The following DCC variants were observed in gnomAD, a reference collection of about 807,000 sequenced individuals.
DCC encodes netrin receptor DCC.
In DCC, 58 loss-of-function variants were observed where a neutral mutation model predicts 172.5. That is an observed-to-expected ratio of 0.34 (90% CI 0.27 to 0.42). The LOEUF is 0.42. DCC is among the 10% of genes least tolerant of loss of function. The pLI, the probability that DCC is intolerant of heterozygous loss-of-function variation, is 1.00. For synonymous variants in DCC, 709 were observed against 644.5 expected, an observed-to-expected ratio of 1.10 and a Z score of -1.52; for missense variants, 1,740 against 1,791.0, an observed-to-expected ratio of 0.97 and a Z score of 0.51.
intron 2 of DCC, among the ~76,000 whole-genome samples, chr18:52,875,391 A>G (rs949245271): frequency 6.6e-6 from 1 of 152,150 alleles, no homozygotes; most frequent in African/African-American, 2.4e-5. Context: ...TACCAAAGAA[A>G]AGTTGGTAGC....
chr18:53,511,951 G>C (rs1224630563), intron 27 of DCC, among the ~76,000 whole-genome samples: 1 of 152,186 alleles, frequency 6.6e-6, no homozygotes, highest in Non-Finnish European at 1.5e-5. Context: ...GCTCGAACTG[G>C]GTGGAGCCCA....
intron 5 of DCC, among the ~76,000 whole-genome samples, chr18:53,016,394 A>T (rs879648080): frequency 2.0e-5 from 3 of 152,136 alleles, no homozygotes; most frequent in Non-Finnish European, 4.4e-5. Context: ...CATAAGCATC[A>T]TGCATTTAGC....
At chr18:52,814,202 C>A (rs2038248706) in intron 2 of DCC, among the ~76,000 whole-genome samples, 1 of 152,204 alleles carries the variant, frequency 6.6e-6, no homozygotes, top group South Asian at 2.1e-4. Flanking sequence ...CCTCTCCTAG[C>A]CCTGTGAGTC....
chr18:53,205,326 A>C lies in DCC; in HGVS notation c.1684A>C (p.Arg562=). ...TGCAAACGGTCCAGTCCAAGGTTAC[A>C]GATTGTTCTGCACTGAGGTGTCCAC... ...AYANGPVQGY[R]LFCTEVSTGK... is the part of the protein sequence containing the mutation. Residue 562 remains arginine (R), a synonymous_variant, in exon 10 of 29, where the codon AGA becomes CGA. Transcript: ENST00000442544. 1 of 1,613,988 alleles carries C rather than the reference A, an allele frequency of 6.2e-7. No individual in the cohort carries two copies. The highest frequency in any genetic ancestry group is 8.5e-7 in the Non-Finnish European group (1 of 1,179,916).
At chr18:53,406,733 A>G (rs1909688868) in intron 19 of DCC, among the ~76,000 whole-genome samples, 1 of 58,598 alleles carries the variant, frequency 1.7e-5, no homozygotes, top group Middle Eastern at 0.011. Flanking sequence ...AAGAAAAAAG[A>G]AAAAAAGTAC....
intron 1 of DCC, among the ~76,000 whole-genome samples, chr18:52,420,151 A>T (rs1165104742): frequency 6.6e-6 from 1 of 152,210 alleles, no homozygotes; most frequent in East Asian, 1.9e-4. Flanking sequence ...GCATTTAGAA[A>T]AAAACAAGGC....
At chr18:53,325,537 G>A (rs904324946) in intron 14 of DCC, among the ~76,000 whole-genome samples, 1 of 152,174 alleles carries the variant, frequency 6.6e-6, no homozygotes, top group African/African-American at 2.4e-5. Flanking sequence ...CTTATTAGAA[G>A]ACACAAAATT....
At chr18:52,424,400 T>C (rs541919533) in intron 1 of DCC, among the ~76,000 whole-genome samples, 36 of 152,244 alleles carry the variant, frequency 2.4e-4, no homozygotes, top group Admixed American at 1.2e-3. Flanking sequence ...CCTCACGTAC[T>C]CCTTCTCAAC....
intron 3 of DCC, among the ~76,000 whole-genome samples, chr18:52,907,157 A>G (rs2039895550): frequency 6.7e-6 from 1 of 149,490 alleles, no homozygotes; most frequent in South Asian, 2.1e-4. Flanking sequence ...TATCATACAT[A>G]TATCATATAT....
At chr18:52,862,186 A>G (rs977109692) in intron 2 of DCC, among the ~76,000 whole-genome samples, 6 of 152,134 alleles carry the variant, frequency 3.9e-5, no homozygotes, top group Admixed American at 1.3e-4. Flanking sequence ...TAAACCTCGT[A>G]TGTTCCTCTT....
chr18:52,883,243 C>A (rs924501650), intron 2 of DCC, among the ~76,000 whole-genome samples: 1 of 151,944 alleles, frequency 6.6e-6, no homozygotes, highest in Non-Finnish European at 1.5e-5. Flanking sequence ...TTTTAGACCA[C>A]TTACATTCAA....
At chr18:53,142,223 G>A (rs2043841807) in intron 7 of DCC, among the ~76,000 whole-genome samples, 1 of 152,228 alleles carries the variant, frequency 6.6e-6, no homozygotes, top group African/African-American at 2.4e-5. Context: ...AAAAGCGTCA[G>A]CATGAATCAT....
At chr18:53,114,057 G>A (rs57863253) in intron 7 of DCC, among the ~76,000 whole-genome samples, 25,043 of 151,354 alleles carry the variant, frequency 0.17, 2,717 homozygotes, top group African/African-American at 0.3. Flanking sequence ...ATAAATTACT[G>A]ATTGAAAAAA....
chr18:53,370,716 A>G (rs1295653424), intron 15 of DCC, among the ~76,000 whole-genome samples: 2 of 151,832 alleles, frequency 1.3e-5, no homozygotes, highest in East Asian at 3.8e-4. Context: ...CATTACGGCC[A>G]GAGAAGATAC....
intron 13 of DCC, among the ~76,000 whole-genome samples, chr18:53,306,634 C>T (rs2144785416): frequency 6.6e-6 from 1 of 152,340 alleles, no homozygotes; most frequent in African/African-American, 2.4e-5. Context: ...ACTGATTACT[C>T]TGCACCTCCC....
In DCC at chr18:52,478,823, C is replaced by T. The variant is rs1424841259; in HGVS notation, c.91+137945C>T. Among the ~76,000 whole-genome samples the T allele has an allele frequency of 3.3e-5, 5 of 152,276 alleles. 1 individual carries two copies. The highest frequency in any genetic ancestry group is 4.1e-4 in the South Asian group (2 of 4,822). On this transcript the variant is annotated intron_variant, in intron 1 of 28. Coordinates refer to ENST00000442544, the MANE Select transcript of DCC (RefSeq NM_005215.4). ...GGTTAAAGCACTCATGAGAAATCCA[C>T]CCCCATGATCCAGTAACTTCACACC...
intron 5 of DCC, among the ~76,000 whole-genome samples, chr18:53,047,476 TTGAGGAATCTTTTTTTTATTAA>T (rs2042270448): frequency 3.1e-4 from 24 of 78,424 alleles, no homozygotes; most frequent in African/African-American, 1.3e-3. Context: ...ATTTTTGCTA[TTGAGGAATCTTTTTTTTATTAA>T]ACTGAGAAGT....
chr18:52,403,686 G>T (rs939657742), intron 1 of DCC, among the ~76,000 whole-genome samples: 2 of 151,974 alleles, frequency 1.3e-5, no homozygotes, highest in African/African-American at 4.8e-5. Context: ...GAAGGAGGAG[G>T]CAATGCCTTA....
rs561357010 is a variant in DCC at position 53,183,114 on chromosome 18, A to G, written c.1573+3998A>G. ...ATACAAATTGAATTTCAAGTTTTTC[A>G]TATTATTTGAAAATATCAACTCTAT... is the stretch of plus-strand genomic sequence containing the variant. On this transcript the variant is annotated intron_variant, in intron 9 of 28. Transcript: ENST00000442544. Among the ~76,000 whole-genome samples the G allele has an allele frequency of 5.3e-5, 8 of 152,290 alleles. No homozygotes were observed. In the South Asian group the frequency reaches 1.7e-3, roughly 32 times the overall value.
Sources: allele counts gnomAD v4.1 joint callset (sites outside exome capture counted in the v4.1 genomes callset), GRCh38; gene constraint gnomAD v4.1.1; transcripts MANE v1.5; gene names NCBI Gene and HGNC (gene_info 2026-07-23, HGNC 2026-07-21).